Variants in EIF4B observed in about 807,000 individuals in gnomAD.
EIF4B encodes the protein eukaryotic translation initiation factor 4B.
A neutral mutation model predicts 79.3 loss-of-function variants in EIF4B; 8 were observed. The observed-to-expected ratio is 0.10, with a 90% CI of 0.06 to 0.18. EIF4B has a LOEUF of 0.18. Ranked by LOEUF, EIF4B falls within the 10% of genes least tolerant of loss-of-function variation. EIF4B has a pLI of 1.00. For missense variants in EIF4B, 515 were observed against 792.4 expected, an observed-to-expected ratio of 0.65 and a Z score of 4.20; for synonymous variants, 238 against 274.7, an observed-to-expected ratio of 0.87 and a Z score of 1.32.
chr12:53,019,434 TATA>T (rs140204820), intron 3 of EIF4B, among the ~76,000 whole-genome samples: 39,349 of 81,604 alleles, frequency 0.48, 8,311 homozygotes, highest in Non-Finnish European at 0.6. Flanking sequence ...TATATATATA[TATA>T]TTTTTTTTTT....
At chr12:53,039,994 C>G in intron 14 of EIF4B, 149 bp from the exon 15 acceptor site, 1 of 865,800 alleles carries the variant, frequency 1.2e-6, no homozygotes, top group Non-Finnish European at 1.8e-6. Context: ...TCTTCCCTAG[C>G]TCCTCTCCAA....
intron 8 of EIF4B, among the ~76,000 whole-genome samples, chr12:53,029,848 C>CT (rs1004842942): frequency 6.6e-6 from 1 of 152,096 alleles, no homozygotes; most frequent in Non-Finnish European, 1.5e-5. Context: ...GCAGTGAGGT[C>CT]TTTCCTTCTC....
Position 53,022,495 on chromosome 12 carries a change from A to G in EIF4B, c.535A>G (p.Arg179Gly). ...DVADQAQDKD[R>G]DDRSFGRDRN... ...TTTTTGTTTTAATGTATCTGTAGAC[A>G]GGGATGATCGTTCTTTTGGCCGTGA... Residue 179 changes from arginine to glycine, a missense_variant and splice_region_variant, in exon 6 of 15, where the codon AGG becomes GGG. Arg to Gly is a moderately radical substitution (Grantham distance 125, BLOSUM62 -2). This residue lies in a region of EIF4B where 16 missense variants were observed against 54.0 expected (regional missense o/e 0.30). Coordinates refer to ENST00000262056, the MANE Select transcript of EIF4B (RefSeq NM_001417.7). 6.2e-7 allele frequency: 1 copy of G among 1,613,144 alleles called. No homozygotes were observed. Among genetic ancestry groups the G allele is most frequent in the Admixed American group, 1.7e-5 (1 of 59,964 alleles).
intron 12 of EIF4B, 128 bp downstream of exon 12, chr12:53,038,539 G>C: frequency 2.5e-6 from 2 of 808,364 alleles, no homozygotes. Flanking sequence ...GGTTGGCCAG[G>C]CGCAGGGGCT....
At chr12:53,026,177 TTTAG>T (rs1424089471) in intron 6 of EIF4B, among the ~76,000 whole-genome samples, 1 of 152,184 alleles carries the variant, frequency 6.6e-6, no homozygotes, top group Non-Finnish European at 1.5e-5. Context: ...TGTAGGTTGT[TTTAG>T]TTAGTTAATT....
chr12:53,040,001 C>G, intron 14 of EIF4B, 142 bp from the exon 15 acceptor site: 1 of 917,450 alleles, frequency 1.1e-6, no homozygotes, highest in East Asian at 2.6e-5. Context: ...TAGCTCCTCT[C>G]CAATGGACAA....
intron 1 of EIF4B, among the ~76,000 whole-genome samples, chr12:53,007,224 TG>T (rs1221130813): frequency 1.3e-5 from 2 of 151,964 alleles, no homozygotes; most frequent in Non-Finnish European, 2.9e-5. Flanking sequence ...TGGCGTTAGA[TG>T]GGGGTGGGGA....
intron 3 of EIF4B, 129 bp downstream of exon 3, chr12:53,019,135 A>G (rs1014726614): frequency 1.3e-4 from 152 of 1,149,334 alleles, no homozygotes; most frequent in Non-Finnish European, 1.8e-4. Context: ...ATGGTGGCTC[A>G]CGCCTGTAAT....
rs1943597388 is a variant in EIF4B, at chr12:53,039,672, G to A, written c.1725G>A (p.Glu575=). ...ATCAAGACTCCAGATCTGCACCTGA[G>A]CCAAAGAAACCTGAGGAAAATCCAG... ...KKDQDSRSAP[E]PKKPEENPAS... is the part of the protein sequence containing the mutation. The change falls in exon 14 of 15, where the codon GAG becomes GAA. Residue 575 remains glutamate, a synonymous_variant. Transcript: ENST00000262056. The A allele has an allele frequency of 4.3e-6, 7 of 1,613,798 alleles. No individual in the cohort carries two copies. Among genetic ancestry groups the A allele is most frequent in the Non-Finnish European group, 5.9e-6 (7 of 1,179,820 alleles).
At chr12:53,017,459 C>T (rs542701698) in intron 2 of EIF4B, among the ~76,000 whole-genome samples, 9 of 152,052 alleles carry the variant, frequency 5.9e-5, no homozygotes, top group African/African-American at 2.2e-4. Context: ...TTCAGGGAGT[C>T]GCCAGGAATA....
chr12:53,039,745 A>T, intron 14 of EIF4B, 43 bp downstream of exon 14: 1 of 1,570,358 alleles, frequency 6.4e-7, no homozygotes, highest in Non-Finnish European at 8.6e-7. Flanking sequence ...TCTAAGAAAA[A>T]TTCTTAGAAT....
At chr12:53,032,813 A>G (rs554515710) in intron 8 of EIF4B, among the ~76,000 whole-genome samples, 29 of 151,898 alleles carry the variant, frequency 1.9e-4, no homozygotes, top group African/African-American at 6.8e-4. Flanking sequence ...CTGGGACTAC[A>G]GGCATGTGCC....
chr12:53,008,073 A>G (rs1942998006), intron 1 of EIF4B, among the ~76,000 whole-genome samples: 1 of 152,204 alleles, frequency 6.6e-6, no homozygotes, highest in Non-Finnish European at 1.5e-5. Context: ...TGGGCTAGTA[A>G]AAGTCCTAAA....
intron 1 of EIF4B, among the ~76,000 whole-genome samples, chr12:53,010,825 G>A (rs565265349): frequency 6.6e-6 from 1 of 152,110 alleles, no homozygotes; most frequent in Non-Finnish European, 1.5e-5. Flanking sequence ...TTCCCACCTT[G>A]GCCTCCCGGA....
chr12:53,031,928 C>G (rs1667264878), intron 8 of EIF4B, among the ~76,000 whole-genome samples: 1 of 152,170 alleles, frequency 6.6e-6, no homozygotes, highest in Admixed American at 6.5e-5. Flanking sequence ...TCTTTATATT[C>G]TCTGTATCTT....
chr12:53,019,450 C>CTTTTTTTTTTTTTTTTTT lies in EIF4B; in HGVS notation c.360+451_361-436dup. On this transcript the variant is annotated intron_variant, in intron 3 of 14. Coordinates refer to ENST00000262056, the MANE Select transcript of EIF4B (RefSeq NM_001417.7). ...ATATATATATATATTTTTTTTTTTTCTTTTTTTTTTTTTTTTTTTTTTTTG... is the reference window on the plus strand; with the variant it reads ...ATATATATATATATTTTTTTTTTTTCTTTTTTTTTTTTTTTTTTTTTTTTTTTTTTTTTTTTTTTTTTG... 1.3e-3 allele frequency among the ~76,000 whole-genome samples: 86 copies of CTTTTTTTTTTTTTTTTTT among 66,002 alleles called. 10 individuals carry two copies. The highest frequency in any genetic ancestry group is 2.1e-3 in the Non-Finnish European group (66 of 31,886). 43.3% of individuals were successfully genotyped at this position (66,002 alleles called of 152,430 possible).
At chr12:53,008,739 A>T (rs1688870719) in intron 1 of EIF4B, 1 of 152,248 alleles carries the variant, frequency 6.6e-6, no homozygotes, top group Admixed American at 6.5e-5. Flanking sequence ...TTTGCTTCTT[A>T]AAAAGAATTC....
At chr12:53,021,330 G>A (rs759224258) in intron 4 of EIF4B, among the ~76,000 whole-genome samples, 3 of 152,138 alleles carry the variant, frequency 2.0e-5, no homozygotes, top group East Asian at 1.9e-4. Context: ...ACAGTGTCTC[G>A]CTATATTGCC....
intron 6 of EIF4B, among the ~76,000 whole-genome samples, chr12:53,024,315 TAAC>T (rs56312840): frequency 0.048 from 7,270 of 152,228 alleles, 231 homozygotes; most frequent in Non-Finnish European, 0.071. Context: ...CTTAATAGCA[TAAC>T]AACAGGGATA....
Sources: allele counts gnomAD v4.1 joint callset (sites outside exome capture counted in the v4.1 genomes callset), GRCh38; gene constraint gnomAD v4.1.1; regional missense constraint gnomAD v4.1.1; transcripts MANE v1.5; gene names NCBI Gene and HGNC (gene_info 2026-07-23, HGNC 2026-07-21).